ABCC4: variants seen among roughly 807,000 people sequenced by gnomAD.
ABCC4 encodes the protein ATP-binding cassette sub-family C member 4.
Under a neutral mutation model 168.5 loss-of-function variants are expected in ABCC4, and 102 were observed. The ratio of observed to expected loss-of-function variants is 0.61; its 90% CI spans 0.52 to 0.71. The LOEUF is 0.71. ABCC4 is among the 30% of genes least tolerant of loss of function. The pLI, the probability that ABCC4 is intolerant of heterozygous loss-of-function variation, is 0.00. For missense variants in ABCC4, 1,402 were observed against 1,605.8 expected, an observed-to-expected ratio of 0.87 and a Z score of 2.17; for synonymous variants, 617 against 590.7, an observed-to-expected ratio of 1.04 and a Z score of -0.65.
At chr13:95,197,684 T>C (rs1395858999) in intron 8 of ABCC4, among the ~76,000 whole-genome samples, 1 of 152,196 alleles carries the variant, frequency 6.6e-6, no homozygotes, top group Non-Finnish European at 1.5e-5. Context: ...AGAGATTGAC[T>C]TCAGAGTGGA....
At chr13:95,068,017 G>C (rs2033605049) in intron 25 of ABCC4, among the ~76,000 whole-genome samples, 1 of 152,144 alleles carries the variant, frequency 6.6e-6, no homozygotes, top group Admixed American at 6.5e-5. Flanking sequence ...CTGTGAATTA[G>C]AAACCTACTT....
At chr13:95,070,892 A>C (rs1243586663) in intron 25 of ABCC4, among the ~76,000 whole-genome samples, 1 of 152,168 alleles carries the variant, frequency 6.6e-6, no homozygotes. Flanking sequence ...AGAAAGACTA[A>C]GGAAAGGGCC....
chr13:95,116,083 A>G, intron 19 of ABCC4, 82 bp from the exon 20 acceptor site: 1 of 966,790 alleles, frequency 1.0e-6, no homozygotes. Context: ...AATCAAAACA[A>G]TATTTTAAAT....
intron 3 of ABCC4, among the ~76,000 whole-genome samples, chr13:95,243,543 AC>A (rs1202269923): frequency 6.6e-6 from 1 of 152,160 alleles, no homozygotes; most frequent in Non-Finnish European, 1.5e-5. Context: ...GCAGGGCTGC[AC>A]GCCTCACACA....
At chr13:95,029,441 C>T (rs2031761617) in intron 30 of ABCC4, among the ~76,000 whole-genome samples, 1 of 151,830 alleles carries the variant, frequency 6.6e-6, no homozygotes, top group Non-Finnish European at 1.5e-5. Flanking sequence ...GCACAGAATA[C>T]ATCAACAAAG....
intron 27 of ABCC4, among the ~76,000 whole-genome samples, chr13:95,051,235 C>A (rs985040332): frequency 1.3e-5 from 2 of 152,212 alleles, no homozygotes; most frequent in Non-Finnish European, 2.9e-5. Flanking sequence ...AATGACATGC[C>A]TTCAGAAACA....
intron 14 of ABCC4, among the ~76,000 whole-genome samples, chr13:95,168,939 A>AT (rs1260271341): frequency 6.6e-6 from 1 of 152,156 alleles, no homozygotes; most frequent in Non-Finnish European, 1.5e-5. Flanking sequence ...TCAAGACAAG[A>AT]TGAGGTCATA....
intron 19 of ABCC4, among the ~76,000 whole-genome samples, chr13:95,130,894 C>T (rs116559417): frequency 0.01 from 1,593 of 152,190 alleles, 32 homozygotes; most frequent in African/African-American, 0.036. Context: ...ATGGCATTTC[C>T]GGCTTCCCCA....
chr13:95,026,780 A>C (rs1001728791), intron 30 of ABCC4, among the ~76,000 whole-genome samples: 1 of 151,950 alleles, frequency 6.6e-6, no homozygotes, highest in Non-Finnish European at 1.5e-5. Flanking sequence ...TTCCAGCTTT[A>C]AGGGAGGCTG....
intron 21 of ABCC4, among the ~76,000 whole-genome samples, chr13:95,080,896 G>A (rs567654195): frequency 3.9e-5 from 6 of 152,212 alleles, no homozygotes; most frequent in African/African-American, 7.2e-5. Context: ...TCCCTGCCAC[G>A]GCAGTCAGGC....
At chr13:95,271,564 A>G (rs2040848183) in intron 1 of ABCC4, among the ~76,000 whole-genome samples, 2 of 152,202 alleles carry the variant, frequency 1.3e-5, no homozygotes, top group Admixed American at 1.3e-4. Context: ...TCAGCCCTCA[A>G]TATCCTAGCA....
At position 95,094,507 on chromosome 13, in the gene ABCC4, C is replaced by A. The variant is rs185355634; in HGVS notation, c.2536-11217G>T. ...CTGGATCCTTATCTCTGACCTTATA[C>A]AAAAATCAACTCAAGATGGATCAGA... On this transcript the variant is annotated intron_variant, in intron 20 of 30. Coordinates refer to ENST00000645237, the MANE Select transcript of ABCC4 (RefSeq NM_005845.5). Among the ~76,000 whole-genome samples, 3 of 152,238 alleles carry A rather than the reference C, an allele frequency of 2.0e-5. No homozygotes were observed. In the East Asian group the frequency reaches 5.8e-4, roughly 29 times the overall value.
chr13:95,161,280 G>A lies in ABCC4; in HGVS notation c.2364C>T (p.Tyr788=), dbSNP rs11568709. The A allele has an allele frequency of 1.5e-5, 24 of 1,608,754 alleles. No homozygotes were observed. Among genetic ancestry groups the A allele is most frequent in the African/African-American group, 1.2e-4 (9 of 74,680 alleles). ...FGIARSLLVF[Y]VLVNSSQTLH... ...AAGTTTGTGAAGAGTTAACAAGGAC[G>A]TAGAATACCAATAGAGATCTTGCTA... The change falls in exon 19 of 31, where the codon TAC becomes TAT. Residue 788 remains tyrosine (Y), a synonymous_variant. Transcript: ENST00000645237.
At chr13:95,251,180 C>G (rs868051192) in intron 1 of ABCC4, among the ~76,000 whole-genome samples, 1 of 152,136 alleles carries the variant, frequency 6.6e-6, no homozygotes, top group African/African-American at 2.4e-5. Context: ...TTTCTATGAG[C>G]TTCATGTTCC....
intron 20 of ABCC4, among the ~76,000 whole-genome samples, chr13:95,085,504 G>A (rs1474818738): frequency 3.9e-5 from 6 of 152,144 alleles, no homozygotes; most frequent in Non-Finnish European, 8.8e-5. Context: ...ACTTTGTAGA[G>A]GTTTCTAAGG....
intron 8 of ABCC4, among the ~76,000 whole-genome samples, chr13:95,198,135 C>T (rs1479526635): frequency 1.3e-5 from 2 of 152,134 alleles, no homozygotes; most frequent in African/African-American, 4.8e-5. Context: ...TAAAGAGCTT[C>T]TCCACAGCAA....
intron 25 of ABCC4, among the ~76,000 whole-genome samples, chr13:95,063,509 T>C (rs2033379811): frequency 6.6e-6 from 1 of 152,184 alleles, no homozygotes; most frequent in African/African-American, 2.4e-5. Flanking sequence ...TGCAATGTCT[T>C]AAAAGACAGT....
At chr13:95,068,485 C>T (rs1190297015) in intron 25 of ABCC4, among the ~76,000 whole-genome samples, 2 of 151,878 alleles carry the variant, frequency 1.3e-5, no homozygotes, top group African/African-American at 2.4e-5. Context: ...ATTAGCCAGG[C>T]ATGGCAGCGG....
At chr13:95,153,729 T>A (rs1391828035) in intron 19 of ABCC4, among the ~76,000 whole-genome samples, 3 of 152,108 alleles carry the variant, frequency 2.0e-5, no homozygotes, top group African/African-American at 7.2e-5. Flanking sequence ...AAACCATGAA[T>A]CAGAACATTC....
Sources: gnomAD v4.1 joint callset for allele counts (sites outside exome capture counted in the v4.1 genomes callset) on GRCh38, gnomAD v4.1.1 for gene constraint, MANE v1.5 for transcripts, NCBI Gene and HGNC (gene_info 2026-07-23, HGNC 2026-07-21) for gene names.